ZMYND8: variants seen among roughly 807,000 people sequenced by gnomAD.
ZMYND8 encodes the protein MYND-type zinc finger-containing chromatin reader ZMYND8.
A neutral mutation model predicts 140.8 loss-of-function variants in ZMYND8; 37 were observed. That is an observed-to-expected ratio of 0.26 (90% CI 0.20 to 0.35). ZMYND8 has a LOEUF of 0.35. Ranked by LOEUF, ZMYND8 falls within the 10% of genes least tolerant of loss-of-function variation. ZMYND8 has a pLI of 1.00. For missense variants in ZMYND8, 1,068 were observed against 1,570.0 expected (o/e 0.68, Z 5.40); for synonymous variants, 592 against 597.1 (o/e 0.99, Z 0.12).
At chr20:47,316,093 G>T (rs529754997) in intron 2 of ZMYND8, among the ~76,000 whole-genome samples, 1 of 152,280 alleles carries the variant, frequency 6.6e-6, no homozygotes, top group African/African-American at 2.4e-5. Flanking sequence ...AGCACTTTGG[G>T]AGGCCAAGGT....
intron 11 of ZMYND8, 32 bp downstream of exon 11, chr20:47,276,282 G>A (rs771754470): frequency 8.0e-6 from 12 of 1,498,794 alleles, no homozygotes; most frequent in Non-Finnish European, 8.9e-6. Flanking sequence ...TGTCCAAGGG[G>A]CCTCCTCCCC....
chr20:47,317,222 A>G (rs1437557583), intron 2 of ZMYND8, among the ~76,000 whole-genome samples: 2 of 152,218 alleles, frequency 1.3e-5, no homozygotes, highest in Non-Finnish European at 2.9e-5. Flanking sequence ...CGTGTCATTC[A>G]CTGATGACAC....
At chr20:47,258,971 C>T (rs1258161286) in intron 12 of ZMYND8, among the ~76,000 whole-genome samples, 1 of 151,938 alleles carries the variant, frequency 6.6e-6, no homozygotes, top group Non-Finnish European at 1.5e-5. Context: ...CCAGGGGAGA[C>T]ACAAGAGGGC....
At chr20:47,214,599 T>C (rs950801615) in intron 21 of ZMYND8, among the ~76,000 whole-genome samples, 4 of 152,196 alleles carry the variant, frequency 2.6e-5, no homozygotes, top group Non-Finnish European at 5.9e-5. Flanking sequence ...GTTCAAGTAA[T>C]TCTCATGCCT....
intron 1 of ZMYND8, chr20:47,354,384 AG>A (rs2083047199): frequency 6.6e-6 from 1 of 152,212 alleles, no homozygotes; most frequent in African/African-American, 2.4e-5. Context: ...GCTTCTAGGG[AG>A]GCCACAAGAA....
chr20:47,294,831 A>G (rs1277004973), intron 4 of ZMYND8, 52 bp from the exon 5 acceptor site: 1 of 1,502,414 alleles, frequency 6.7e-7, no homozygotes. Flanking sequence ...AGAAATTACC[A>G]TCCATGTACT....
intron 3 of ZMYND8, among the ~76,000 whole-genome samples, chr20:47,300,031 T>C (rs1037372877): frequency 3.9e-5 from 6 of 152,304 alleles, no homozygotes; most frequent in Admixed American, 6.5e-5. Context: ...GGCAGAAAGA[T>C]GAGATGGGTG....
chr20:47,210,745 G>A lies in ZMYND8; in HGVS notation c.*16C>T. 2 of 1,614,034 alleles carry A rather than the reference G, an allele frequency of 1.2e-6. No homozygotes were observed. The highest frequency in any genetic ancestry group is 1.7e-6 in the Non-Finnish European group (2 of 1,180,008). ...TTTCTCCCAATGGGGTGGGTGGTTT[G>A]TGTCCCGATTCACTGCTAGTCCCAG... On this transcript the variant is annotated 3_prime_UTR_variant, in exon 23 of 23. Transcript: ENST00000471951.
At chr20:47,294,535 C>T in intron 5 of ZMYND8, 131 bp downstream of exon 5, 2 of 758,596 alleles carry the variant, frequency 2.6e-6, no homozygotes, top group Non-Finnish European at 4.5e-6. Flanking sequence ...GTGATTTACA[C>T]ATACTTGAAT....
chr20:47,306,830 C>A (rs558851443), intron 3 of ZMYND8, among the ~76,000 whole-genome samples: 6 of 152,058 alleles, frequency 3.9e-5, no homozygotes, highest in Non-Finnish European at 8.8e-5. Flanking sequence ...AGAATCTTCA[C>A]ATATGCCAAA....
intron 18 of ZMYND8, among the ~76,000 whole-genome samples, chr20:47,225,587 GGAAGGGGAAGGAGGGGAT>G (rs2037579636): frequency 1.3e-5 from 1 of 77,268 alleles, no homozygotes; most frequent in African/African-American, 5.1e-5. Flanking sequence ...GGGAGGGGAA[GGAAGGGGAAGGAGGGGAT>G]GGGAGGGGAA....
chr20:47,263,288 CAAT>C (rs35106949), intron 11 of ZMYND8, among the ~76,000 whole-genome samples: 36,237 of 151,928 alleles, frequency 0.24, 4,676 homozygotes, highest in Non-Finnish European at 0.3. Flanking sequence ...TCACTAACAA[CAAT>C]GACAGCCAAC....
rs186388173 is a variant in ZMYND8, at chr20:47,222,127, T to C, written c.3257-653A>G. On this transcript the variant is annotated intron_variant, in intron 19 of 22. Transcript: ENST00000471951. ...ATTTCTAGGTGGAGACCTATATTTT[T>C]AGCCCCAGAGACTTTCTTCCTTCTA... is the stretch of plus-strand genomic sequence containing the variant. Among the ~76,000 whole-genome samples the C allele has an allele frequency of 2.4e-3, 368 of 152,364 alleles. 1 individual carries two copies. Among genetic ancestry groups the C allele is most frequent in the African/African-American group, 8.4e-3 (349 of 41,588 alleles).
chr20:47,338,222 C>T (rs2081540667), intron 2 of ZMYND8, among the ~76,000 whole-genome samples: 1 of 152,102 alleles, frequency 6.6e-6, no homozygotes, highest in Non-Finnish European at 1.5e-5. Context: ...GGACTTTGCG[C>T]TATTGTCCCT....
intron 21 of ZMYND8, among the ~76,000 whole-genome samples, chr20:47,217,266 T>C (rs768990929): frequency 6.6e-6 from 1 of 152,208 alleles, no homozygotes. Flanking sequence ...CAAGTGCCAT[T>C]ACTCAGCCAT....
intron 19 of ZMYND8, among the ~76,000 whole-genome samples, chr20:47,224,020 T>C (rs73912740): frequency 0.016 from 2,423 of 152,214 alleles, 46 homozygotes; most frequent in African/African-American, 0.051. Flanking sequence ...AAGCCACAAG[T>C]CCATTACTGC....
At chr20:47,235,898 GA>G (rs2039175488) in intron 16 of ZMYND8, among the ~76,000 whole-genome samples, 1 of 152,102 alleles carries the variant, frequency 6.6e-6, no homozygotes, top group African/African-American at 2.4e-5. Context: ...TTGATTCCTG[GA>G]AAAATCAAAG....
chr20:47,270,392 A>G (rs80207802), intron 11 of ZMYND8, among the ~76,000 whole-genome samples: 982 of 25,966 alleles, frequency 0.038, 2 homozygotes, highest in African/African-American at 0.096. Flanking sequence ...AAAAAAAAAA[A>G]GTTTTTTTAA....
At chr20:47,284,563 T>C (rs1220753569) in intron 8 of ZMYND8, among the ~76,000 whole-genome samples, 1 of 152,098 alleles carries the variant, frequency 6.6e-6, no homozygotes, top group Non-Finnish European at 1.5e-5. Context: ...CCAGCCCACC[T>C]GTCTCGGCTC....
Sources: allele counts gnomAD v4.1 joint callset (sites outside exome capture counted in the v4.1 genomes callset), GRCh38; gene constraint gnomAD v4.1.1; transcripts MANE v1.5; gene names NCBI Gene and HGNC (gene_info 2026-07-23, HGNC 2026-07-21).